The following ARPC1A variants were observed in gnomAD, a reference collection of about 807,000 sequenced individuals.
ARPC1A encodes the protein actin-related protein 2/3 complex subunit 1A.
ARPC1A carries 8 observed loss-of-function variants against 46.9 expected under a neutral mutation model. The ratio of observed to expected loss-of-function variants is 0.17; its 90% CI spans 0.10 to 0.31. The LOEUF (loss-of-function observed/expected upper bound fraction) is 0.31. Among genes scored for constraint, ARPC1A ranks in the 10% least tolerant of loss-of-function variants. The pLI is 1.00. For synonymous variants in ARPC1A, 152 were observed against 169.0 expected (o/e 0.90, Z 0.78); for missense variants, 286 against 483.6 (o/e 0.59, Z 3.83).
chr7:99,365,776 CCAGGTT>C, intron 9 of ARPC1A, 109 bp from the exon 10 acceptor site: 1 of 1,129,184 alleles, frequency 8.9e-7, no homozygotes, highest in South Asian at 1.4e-5. Context: ...TGGGGCAGGG[CCAGGTT>C]CAGGGTGGGG....
intron 8 of ARPC1A, among the ~76,000 whole-genome samples, chr7:99,363,266 A>T (rs1358403736): frequency 6.6e-6 from 1 of 152,140 alleles, no homozygotes; most frequent in East Asian, 1.9e-4. Flanking sequence ...GGATAAGTTC[A>T]TAATCAGGAG....
intron 1 of ARPC1A, among the ~76,000 whole-genome samples, chr7:99,327,014 A>C (rs1793058264): frequency 6.6e-6 from 1 of 152,136 alleles, no homozygotes; most frequent in Non-Finnish European, 1.5e-5. Flanking sequence ...TGTCTATGTC[A>C]ACTCGTAGCT....
At chr7:99,331,340 A>G (rs1397122707) in intron 1 of ARPC1A, among the ~76,000 whole-genome samples, 1 of 151,966 alleles carries the variant, frequency 6.6e-6, no homozygotes, top group Non-Finnish European at 1.5e-5. Flanking sequence ...GGCTGCAGTG[A>G]GCATAGATTG....
intron 5 of ARPC1A, among the ~76,000 whole-genome samples, chr7:99,351,452 C>G (rs975535204): frequency 6.6e-6 from 1 of 152,062 alleles, no homozygotes; most frequent in African/African-American, 2.4e-5. Context: ...CTCCTGGCCT[C>G]GAGCTATCCA....
intron 1 of ARPC1A, among the ~76,000 whole-genome samples, chr7:99,328,890 G>A (rs1444920239): frequency 2.0e-5 from 3 of 152,074 alleles, no homozygotes; most frequent in Non-Finnish European, 2.9e-5. Flanking sequence ...AGCCGAGGTT[G>A]CAGTGAACTG....
chr7:99,344,246 G>T, intron 3 of ARPC1A, 47 bp from the exon 4 acceptor site: 2 of 1,593,376 alleles, frequency 1.3e-6, no homozygotes, highest in Non-Finnish European at 1.7e-6. Context: ...TGCCGCAGTT[G>T]TTTGTCATTG....
chr7:99,326,146 G>A (rs1294026884), intron 1 of ARPC1A, 142 bp downstream of exon 1: 2 of 152,188 alleles, frequency 1.3e-5, no homozygotes, highest in Non-Finnish European at 2.9e-5. Context: ...TCCCTGCCGG[G>A]GCCTCCTGAG....
chr7:99,351,511 G>A (rs1437926752), intron 5 of ARPC1A, among the ~76,000 whole-genome samples: 4 of 152,166 alleles, frequency 2.6e-5, no homozygotes, highest in African/African-American at 4.8e-5. Flanking sequence ...GAGCCACTGC[G>A]CCTGGCCCAG....
intron 2 of ARPC1A, among the ~76,000 whole-genome samples, chr7:99,336,632 T>G (rs149384492): frequency 0.015 from 2,314 of 152,146 alleles, 55 homozygotes; most frequent in African/African-American, 0.051. Flanking sequence ...TAGCTGGGAC[T>G]ACAGGCGCGT....
rs1793289791 is a variant in ARPC1A at position 99,338,223 on chromosome 7, A to G, written c.107A>G (p.Lys36Arg). Residue 36 changes from lysine (K) to arginine (R), a missense_variant, in exon 3 of 10, where the codon AAG becomes AGG. By Grantham distance (26) the Lys-to-Arg change is conservative (BLOSUM62 2). Around this residue, in one of 5 missense-constraint regions of ARPC1A, gnomAD observed 55 missense variants for 59.4 expected, o/e 0.93. Transcript: ENST00000262942. ...AATAATCACGAAGTGCACATCTATA[A>G]GAAGAACGGGAGCCAGTGGGTGAAA... ...SPNNHEVHIYKKNGSQWVKAH... is the reference protein window; with the variant it reads ...SPNNHEVHIYRKNGSQWVKAH... The G allele has an allele frequency of 6.2e-7, 1 of 1,613,612 alleles. No individual in the cohort carries two copies. The highest frequency in any genetic ancestry group is 8.5e-7 in the Non-Finnish European group (1 of 1,179,738).
At chr7:99,344,240 G>T (rs549930978) in intron 3 of ARPC1A, 53 bp from the exon 4 acceptor site, 8 of 1,569,228 alleles carry the variant, frequency 5.1e-6, no homozygotes, top group Non-Finnish European at 7.0e-6. Flanking sequence ...TGCCTGTGCC[G>T]CAGTTGTTTG....
intron 6 of ARPC1A, among the ~76,000 whole-genome samples, chr7:99,357,528 CTA>C (rs554981543): frequency 4.1e-4 from 62 of 151,318 alleles, no homozygotes; most frequent in African/African-American, 7.3e-4. Flanking sequence ...CTGGGTCTCA[CTA>C]TGTTGTCCAG....
At chr7:99,365,736 G>C (rs1019898402) in intron 9 of ARPC1A, among the ~76,000 whole-genome samples, 155 bp from the exon 10 acceptor site, 2 of 152,166 alleles carry the variant, frequency 1.3e-5, no homozygotes, top group Non-Finnish European at 2.9e-5. Flanking sequence ...GTGTCTCTGC[G>C]GGGTGAGTCC....
chr7:99,353,092 TTTTAG>T lies in ARPC1A; in HGVS notation c.501-797_501-793del, dbSNP rs148614610. ...TGGACTTACCTATCATGATTTATTA[TTTTAG>T]TTTAGTTTAGTTTAGTTTATGTTAT... On this transcript the variant is annotated intron_variant, in intron 5 of 9. Coordinates refer to ENST00000262942, the MANE Select transcript of ARPC1A (RefSeq NM_006409.4). Among the ~76,000 whole-genome samples, 1,163 of 150,608 alleles carry T rather than the reference TTTTAG, an allele frequency of 7.7e-3. 8 individuals carry two copies. The highest frequency in any genetic ancestry group is 0.017 in the African/African-American group (689 of 40,698).
chr7:99,336,644 C>A (rs1236700111), intron 2 of ARPC1A, among the ~76,000 whole-genome samples: 2 of 152,026 alleles, frequency 1.3e-5, no homozygotes, highest in African/African-American at 4.8e-5. Flanking sequence ...CAGGCGCGTG[C>A]CACCAGGCCT....
chr7:99,333,317 C>G lies in ARPC1A; in HGVS notation c.-29-8C>G. ...GTATAAAATGCTTTTTGTTATTGTT[C>G]ATTGCAGCTTTCTCTCCTTTGAAAA... On this transcript the variant is annotated splice_polypyrimidine_tract_variant and splice_region_variant and intron_variant, in intron 1 of 9. Transcript: ENST00000262942. 6.4e-7 allele frequency: 1 copy of G among 1,568,306 alleles called. No individual in the cohort carries two copies. Among genetic ancestry groups the G allele is most frequent in the Non-Finnish European group, 8.8e-7 (1 of 1,140,480 alleles).
intron 9 of ARPC1A, among the ~76,000 whole-genome samples, 159 bp from the exon 10 acceptor site, chr7:99,365,732 C>T (rs1277767762): frequency 6.6e-6 from 1 of 152,054 alleles, no homozygotes; most frequent in East Asian, 1.9e-4. Context: ...TGGAGTGTCT[C>T]TGCGGGGTGA....
intron 3 of ARPC1A, among the ~76,000 whole-genome samples, chr7:99,342,394 A>C (rs58660994): frequency 0.13 from 19,766 of 152,018 alleles, 1,791 homozygotes; most frequent in East Asian, 0.36. Context: ...CTCTACAAAA[A>C]ATTAGCCAGG....
At chr7:99,356,693 A>T (rs961278795) in intron 6 of ARPC1A, among the ~76,000 whole-genome samples, 1 of 151,886 alleles carries the variant, frequency 6.6e-6, no homozygotes, top group African/African-American at 2.4e-5. Context: ...CAAGGTCAGG[A>T]GATCGAGACC....
Sources: allele counts gnomAD v4.1 joint callset (sites outside exome capture counted in the v4.1 genomes callset), GRCh38; gene constraint gnomAD v4.1.1; regional missense constraint gnomAD v4.1.1; transcripts MANE v1.5; gene names NCBI Gene and HGNC (gene_info 2026-07-23, HGNC 2026-07-21).